The following ZNF610 variants were observed in gnomAD, a reference collection of about 807,000 sequenced individuals.
The protein encoded by ZNF610 is zink finger protein.
A neutral mutation model predicts 14.1 loss-of-function variants in ZNF610; 14 were observed. The ratio of observed to expected loss-of-function variants is 0.99; its 90% CI spans 0.65 to 1.55. The LOEUF is 1.55. Ranked by LOEUF, ZNF610 falls within the 40% of genes most tolerant of loss-of-function variation. The pLI, the probability that ZNF610 is intolerant of heterozygous loss-of-function variation, is 0.00. For synonymous variants in ZNF610, 185 were observed against 187.6 expected (o/e 0.99, Z 0.11); for missense variants, 530 against 558.0 (o/e 0.95, Z 0.51).
rs763385414 is a variant in ZNF610 at position 52,349,168 on chromosome 19, C to T, written c.-5C>T. On this transcript the variant is annotated 5_prime_UTR_variant, in exon 3 of 6. Transcript: ENST00000403906. ...TTGACATTTAGGATTGACTTATAAA[C>T]AGTCATGCTATGTGATGAAGAAGCC... 3.7e-5 allele frequency: 60 copies of T among 1,612,494 alleles called. 1 individual carries two copies. The Admixed American group carries it at 9.9e-4, about 27-fold the overall frequency.
intron 3 of ZNF610, among the ~76,000 whole-genome samples, chr19:52,349,963 G>A (rs1416085223): frequency 6.6e-6 from 1 of 152,156 alleles, no homozygotes; most frequent in East Asian, 1.9e-4. Flanking sequence ...TACTACATTT[G>A]AAGCTAAACA....
rs753731698 is a variant in ZNF610, at chr19:52,366,280, C to T, written c.902C>T (p.Ser301Leu). ...TGTGGCAAAGCTTTTAGAGAGTGTT[C>T]GGGACTTACTACCCATCTTGTAATC... is the stretch of plus-strand genomic sequence containing the variant. The part of the protein sequence containing the change: ...NECGKAFREC[S>L]GLTTHLVIHT... Residue 301 changes from serine (S) to leucine (L), a missense_variant, in exon 6 of 6, where the codon TCG becomes TTG. Physicochemically the swap from Ser to Leu is moderately radical, Grantham distance 145. Coordinates refer to ENST00000403906, the MANE Select transcript of ZNF610 (RefSeq NM_001161425.2). 7 of 1,613,298 alleles carry T rather than the reference C, an allele frequency of 4.3e-6. No homozygotes were observed. Among genetic ancestry groups the T allele is most frequent in the East Asian group, 2.2e-5 (1 of 44,852 alleles).
In ZNF610 at chr19:52,354,384, G is replaced by C. The variant is rs371814768; in HGVS notation, c.319+5G>C. The C allele has an allele frequency of 2.5e-6, 4 of 1,613,726 alleles. No homozygotes were observed. Among genetic ancestry groups the C allele is most frequent in the African/African-American group, 2.7e-5 (2 of 74,874 alleles). On this transcript the variant is annotated splice_donor_5th_base_variant and intron_variant, in intron 5 of 5. Coordinates refer to ENST00000403906, the MANE Select transcript of ZNF610 (RefSeq NM_001161425.2). ...GTGTCAGAAGCGTGAACACAGGTAA[G>C]AGCTCTGATGGGCAGTGTGGAGGCC...
rs560635821 is a variant in ZNF610 at position 52,349,858 on chromosome 19, C to T, written c.63+623C>T. Among the ~76,000 whole-genome samples, 6 of 152,244 alleles carry T rather than the reference C, an allele frequency of 3.9e-5. No individual in the cohort carries two copies. In the South Asian group the frequency reaches 6.2e-4, roughly 16 times the overall value. ...TGCTGGGATTATAGGCGTGAGCCAC[C>T]GCGCCTGGCCTGAAGTCACATATTA... is the stretch of plus-strand genomic sequence containing the variant. On this transcript the variant is annotated intron_variant, in intron 3 of 5. Transcript: ENST00000403906.
chr19:52,365,233 G>A (rs1356779807), intron 5 of ZNF610, among the ~76,000 whole-genome samples: 1 of 139,192 alleles, frequency 7.2e-6, no homozygotes, highest in Non-Finnish European at 1.5e-5. Context: ...GAGAGACTCC[G>A]TCTCAAAAAA....
chr19:52,335,237 G>A (rs1021675098), upstream of ZNF610, among the ~76,000 whole-genome samples: 10 of 152,080 alleles, frequency 6.6e-5, no homozygotes, highest in African/African-American at 1.7e-4. Context: ...CCCAGGAGGC[G>A]GAGCTTGCAG....
chr19:52,352,574 G>A (rs368094967), intron 3 of ZNF610, among the ~76,000 whole-genome samples: 7 of 152,072 alleles, frequency 4.6e-5, no homozygotes, highest in East Asian at 1.9e-4. Flanking sequence ...TAGTTAATAC[G>A]CCTAAATGGC....
intron 5 of ZNF610, among the ~76,000 whole-genome samples, chr19:52,355,306 T>A (rs1985472156): frequency 6.6e-6 from 1 of 152,320 alleles, no homozygotes; most frequent in African/African-American, 2.4e-5. Context: ...AATGGGAAGA[T>A]GTAATCAGGA....
Position 52,366,606 on chromosome 19 carries a change from G to A in ZNF610, c.1228G>A (p.Gly410Arg), listed in dbSNP as rs1986080881. ...ATGTAATGAATGTGACAAAGTCTTTGGGCGCAAATTATACCTAACCAACCA... is the reference window on the plus strand; with the variant it reads ...ATGTAATGAATGTGACAAAGTCTTTAGGCGCAAATTATACCTAACCAACCA... Reference protein sequence around the residue: ...YKCNECDKVFGRKLYLTNHQR... With the variant: ...YKCNECDKVFRRKLYLTNHQR... The change falls in exon 6 of 6, where the codon GGG (glycine) becomes AGG (arginine). Residue 410 changes from glycine to arginine, a missense_variant. Physicochemically the swap from Gly to Arg is moderately radical, Grantham distance 125. Coordinates refer to ENST00000403906, the MANE Select transcript of ZNF610 (RefSeq NM_001161425.2). 1 of 1,613,872 alleles carries A rather than the reference G, an allele frequency of 6.2e-7. No homozygotes were observed. Among genetic ancestry groups the A allele is most frequent in the African/African-American group, 1.3e-5 (1 of 74,862 alleles).
chr19:52,342,763 G>A (rs561218282), intron 1 of ZNF610, among the ~76,000 whole-genome samples: 1 of 152,164 alleles, frequency 6.6e-6, no homozygotes, highest in African/African-American at 2.4e-5. Flanking sequence ...CTGACCTCGT[G>A]ATCCATCCAC....
rs1985993537 is a variant in ZNF610, at chr19:52,365,791, T to C, written c.413T>C (p.Leu138Pro). 6.2e-7 allele frequency: 1 copy of C among 1,614,090 alleles called. No individual in the cohort carries two copies. The highest frequency in any genetic ancestry group is 1.3e-5 in the African/African-American group (1 of 74,936). ...GAGGCACATCTGTCTGAATTGCAGC[T>C]GTTTCAAGCCGGAAGGAAAATTTAC... Reference protein sequence around the residue: ...TLEAHLSELQLFQAGRKIYRS... With the variant: ...TLEAHLSELQPFQAGRKIYRS... Residue 138 changes from leucine (L) to proline (P), a missense_variant, in exon 6 of 6, where the codon CTG (leucine) becomes CCG (proline). Coordinates refer to ENST00000403906, the MANE Select transcript of ZNF610 (RefSeq NM_001161425.2).
At chr19:52,343,571 A>T (rs1055014688) in intron 1 of ZNF610, among the ~76,000 whole-genome samples, 4 of 152,122 alleles carry the variant, frequency 2.6e-5, no homozygotes, top group Non-Finnish European at 4.4e-5. Context: ...TCTCAAAAAA[A>T]AAAATGTATT....
chr19:52,348,821 G>A (rs1232896875), intron 2 of ZNF610, among the ~76,000 whole-genome samples: 1 of 152,102 alleles, frequency 6.6e-6, no homozygotes, highest in African/African-American at 2.4e-5. Flanking sequence ...CATGAGCCTG[G>A]GATCCATAGA....
chr19:52,364,338 C>T (rs1402513679), intron 5 of ZNF610, among the ~76,000 whole-genome samples: 2 of 151,852 alleles, frequency 1.3e-5, no homozygotes, highest in Non-Finnish European at 2.9e-5. Context: ...TACTATGTTT[C>T]CATATTTGAT....
At chr19:52,351,104 T>G (rs1403571069) in intron 3 of ZNF610, among the ~76,000 whole-genome samples, 4 of 152,204 alleles carry the variant, frequency 2.6e-5, no homozygotes, top group Non-Finnish European at 4.4e-5. Context: ...TGTTTTCATG[T>G]TAGGAAGATG....
chr19:52,354,376 A>C lies in ZNF610; in HGVS notation c.316A>C (p.Thr106Pro). 1.2e-6 allele frequency: 2 copies of C among 1,614,052 alleles called. No homozygotes were observed. The highest frequency in any genetic ancestry group is 1.7e-6 in the Non-Finnish European group (2 of 1,179,984). The change falls in exon 5 of 6, where the codon ACA becomes CCA. Residue 106 changes from threonine to proline, a missense_variant. Transcript: ENST00000403906. ...DGRECVRSVN[T>P]GRSCVLGSNA... Reference sequence around the variant, plus strand: ...AAGGGAATGTGTCAGAAGCGTGAACACAGGTAAGAGCTCTGATGGGCAGTG... The same window carrying C: ...AAGGGAATGTGTCAGAAGCGTGAACCCAGGTAAGAGCTCTGATGGGCAGTG...
intron 3 of ZNF610, among the ~76,000 whole-genome samples, chr19:52,352,033 C>G (rs920504481): frequency 6.6e-6 from 1 of 152,188 alleles, no homozygotes; most frequent in Non-Finnish European, 1.5e-5. Flanking sequence ...TAATTTTTGT[C>G]TCCAGGGGGA....
intron 3 of ZNF610, among the ~76,000 whole-genome samples, chr19:52,350,272 G>A (rs1357555869): frequency 2.0e-5 from 3 of 152,196 alleles, no homozygotes; most frequent in East Asian, 1.9e-4. Flanking sequence ...CATCAAATAC[G>A]AAGCCTCCCC....
intron 1 of ZNF610, among the ~76,000 whole-genome samples, chr19:52,338,818 C>T (rs746395255): frequency 6.6e-6 from 1 of 152,052 alleles, no homozygotes; most frequent in Non-Finnish European, 1.5e-5. Flanking sequence ...GTGGGTGTTT[C>T]TCGTCAGGTG....
Sources: allele counts gnomAD v4.1 joint callset (sites outside exome capture counted in the v4.1 genomes callset), GRCh38; gene constraint gnomAD v4.1.1; transcripts MANE v1.5; gene names NCBI Gene and HGNC (gene_info 2026-07-23, HGNC 2026-07-21).